ZNF687: variants seen among roughly 807,000 people sequenced by gnomAD.
ZNF687 encodes the protein zinc finger protein 687.
Under a neutral mutation model 71.8 loss-of-function variants are expected in ZNF687, and 13 were observed. That is an observed-to-expected ratio of 0.18 (90% CI 0.12 to 0.29). The LOEUF (loss-of-function observed/expected upper bound fraction) is 0.29. Ranked by LOEUF, ZNF687 falls within the 10% of genes least tolerant of loss-of-function variation. ZNF687 has a pLI of 1.00. For synonymous variants in ZNF687, 673 were observed against 641.6 expected, an observed-to-expected ratio of 1.05 and a Z score of -0.74; for missense variants, 1,412 against 1,625.6, an observed-to-expected ratio of 0.87 and a Z score of 2.26.
intron 1 of ZNF687, chr1:151,283,036 C>A: frequency 2.3e-6 from 2 of 852,630 alleles, no homozygotes; most frequent in Non-Finnish European, 2.8e-6. Flanking sequence ...AGTCCTGGGT[C>A]CCCAGGTGCT....
Position 151,287,161 on chromosome 1 carries a change from TGAG to T in ZNF687, c.872_874del (p.Glu291del). 1 of 1,614,148 alleles carries T rather than the reference TGAG, an allele frequency of 6.2e-7. No individual in the cohort carries two copies. The highest frequency in any genetic ancestry group is 8.5e-7 in the Non-Finnish European group (1 of 1,180,022). On this transcript the variant is annotated inframe_deletion, in exon 2 of 9. Coordinates refer to ENST00000336715, the MANE Select transcript of ZNF687 (RefSeq NM_020832.3). This position sits in a 1 kb window ranked among gnomAD's most constrained non-coding sequence, Gnocchi z 5.0. ...AGCCCTTGAAGGAAGAAGATGATGA[TGAG>T]GGGCCAGTGGACAAGTCTTCCCCAG...
chr1:151,289,630 A>C (rs1235976846), intron 5 of ZNF687, 48 bp from the exon 6 acceptor site: 1 of 1,601,070 alleles, frequency 6.2e-7, no homozygotes, highest in Non-Finnish European at 8.5e-7. Flanking sequence ...GCTTTGGCAT[A>C]GCCAGGCCCT....
rs1334367055 is a variant in ZNF687, at chr1:151,289,863, A to G, written c.2820A>G (p.Pro940=). 8 of 1,567,114 alleles carry G rather than the reference A, an allele frequency of 5.1e-6. No individual in the cohort carries two copies. Among genetic ancestry groups the G allele is most frequent in the Non-Finnish European group, 6.9e-6 (8 of 1,155,190 alleles). Residue 940 remains proline, a synonymous_variant, in exon 6 of 9, where the codon CCA becomes CCG. Transcript: ENST00000336715. ...EVPSSPEPPR[P]AKRPRRELGS... is the part of the protein sequence containing the mutation. Reference sequence around the variant, plus strand: ...CCAGCTCCCCTGAGCCCCCCCGTCCAGCCAAACGGCCTCGGCGGGAACTAG... The same window carrying G: ...CCAGCTCCCCTGAGCCCCCCCGTCCGGCCAAACGGCCTCGGCGGGAACTAG...
rs1373436457 is a variant in ZNF687, at chr1:151,288,206, G to A, written c.1915G>A (p.Ala639Thr). ...GCCTGCCTTGGGCAAGGGTGAGGGG[G>A]CCATCACCTCCTCTGCCATTACTAC... ...ALPALGKGEG[A>T]ITSSAITTVA... The change falls in exon 2 of 9, where the codon GCC (alanine) becomes ACC (threonine). Residue 639 changes from alanine to threonine, a missense_variant. By Grantham distance (58) the Ala-to-Thr change is moderately conservative (BLOSUM62 0). Around this residue, in one of 8 missense-constraint regions of ZNF687, gnomAD observed 207 missense variants for 239.2 expected, o/e 0.87. Coordinates refer to ENST00000336715, the MANE Select transcript of ZNF687 (RefSeq NM_020832.3). The A allele has an allele frequency of 3.7e-6, 6 of 1,613,576 alleles. No homozygotes were observed. The highest frequency in any genetic ancestry group is 3.3e-5 in the Admixed American group (2 of 60,008).
rs1310233986 is a variant in ZNF687 at position 151,286,712 on chromosome 1, C to G, written c.421C>G (p.Pro141Ala). The G allele has an allele frequency of 1.2e-6, 2 of 1,614,198 alleles. No homozygotes were observed. Among genetic ancestry groups the G allele is most frequent in the Non-Finnish European group, 1.7e-6 (2 of 1,180,034 alleles). ...EPSLPGTPHSPAPPSGGTWKE... is the reference protein window; with the variant it reads ...EPSLPGTPHSAAPPSGGTWKE... ...TTCCCTCCCAGGAACTCCCCACTCT[C>G]CTGCTCCTCCCAGTGGGGGCACCTG... Residue 141 changes from proline to alanine, a missense_variant, in exon 2 of 9, where the codon CCT becomes GCT. Pro to Ala is a conservative substitution (Grantham distance 27). Around this residue, in one of 8 missense-constraint regions of ZNF687, gnomAD observed 490 missense variants for 489.9 expected, o/e 1.00. Transcript: ENST00000336715.
rs1316677117 is a variant in ZNF687 at position 151,282,981 on chromosome 1, C to T, written c.-18+586C>T. 5 of 347,424 alleles carry T rather than the reference C, an allele frequency of 1.4e-5. 1 individual carries two copies. Among genetic ancestry groups the T allele is most frequent in the African/African-American group, 8.9e-5 (4 of 45,042 alleles). The allele number at this position is 347,424 out of a possible 1,614,324, so 21.5% of individuals were successfully genotyped here. On this transcript the variant is annotated intron_variant, in intron 1 of 8. Transcript: ENST00000336715. The stretch of plus-strand genomic sequence containing the variant: ...GAGCTGAGAGTCGCGCAGAGACCGT[C>T]CCCTCTCTCCTCCCCTCTTTCCAGC...
chr1:151,286,973 C>G lies in ZNF687; in HGVS notation c.682C>G (p.Pro228Ala), dbSNP rs2101871367. Residue 228 changes from proline to alanine, a missense_variant, in exon 2 of 9, where the codon CCC (proline) becomes GCC (alanine). Around this residue, in one of 8 missense-constraint regions of ZNF687, gnomAD observed 490 missense variants for 489.9 expected, o/e 1.00. Coordinates refer to ENST00000336715, the MANE Select transcript of ZNF687 (RefSeq NM_020832.3). ...LGALKQESCS[P>A]HHPQVLAQQG... ...GGCCTTGAAGCAGGAGAGCTGCAGCCCCCATCATCCCCAGGTCCTAGCCCA... is the reference window on the plus strand; with the variant it reads ...GGCCTTGAAGCAGGAGAGCTGCAGCGCCCATCATCCCCAGGTCCTAGCCCA... 1 of 1,605,054 alleles carries G rather than the reference C, an allele frequency of 6.2e-7. No individual in the cohort carries two copies. Among genetic ancestry groups the G allele is most frequent in the South Asian group, 1.1e-5 (1 of 89,990 alleles).
chr1:151,286,941 C>T lies in ZNF687; in HGVS notation c.650C>T (p.Pro217Leu), dbSNP rs587709695. ...PGMQPPVSSP[P>L]LGALKQESCS... ...ATGCAGCCACCTGTTTCTTCCCCACCATTGGGGGCCTTGAAGCAGGAGAGC... is the reference window on the plus strand; with the variant it reads ...ATGCAGCCACCTGTTTCTTCCCCACTATTGGGGGCCTTGAAGCAGGAGAGC... Residue 217 changes from proline to leucine, a missense_variant, in exon 2 of 9, where the codon CCA becomes CTA. Coordinates refer to ENST00000336715, the MANE Select transcript of ZNF687 (RefSeq NM_020832.3). The T allele has an allele frequency of 6.2e-7, 1 of 1,611,638 alleles. No individual in the cohort carries two copies. The highest frequency in any genetic ancestry group is 1.3e-5 in the African/African-American group (1 of 74,894).
At chr1:151,284,178 TG>T (rs1693850105) in intron 1 of ZNF687, 3 of 985,112 alleles carry the variant, frequency 3.0e-6, no homozygotes, top group South Asian at 9.4e-5. Flanking sequence ...GGGGATGGAA[TG>T]GGGTGAGGAG....
At position 151,286,997 on chromosome 1, in the gene ZNF687, C is replaced by A. The variant is rs986513623; in HGVS notation, c.706C>A (p.Gln236Lys). The A allele has an allele frequency of 6.2e-7, 1 of 1,601,564 alleles. No individual in the cohort carries two copies. The highest frequency in any genetic ancestry group is 1.3e-5 in the African/African-American group (1 of 74,606). The change falls in exon 2 of 9, where the codon CAA becomes AAA. Residue 236 changes from glutamine to lysine, a missense_variant. Physicochemically the swap from Gln to Lys is moderately conservative, Grantham distance 53. Transcript: ENST00000336715. ...CSPHHPQVLA[Q>K]QGSGSSPKAT... Reference sequence around the variant, plus strand: ...CCCCCATCATCCCCAGGTCCTAGCCCAACAAGGCTCAGGCTCCAGCCCTAA... The same window carrying A: ...CCCCCATCATCCCCAGGTCCTAGCCAAACAAGGCTCAGGCTCCAGCCCTAA...
chr1:151,284,005 G>A lies in ZNF687; in HGVS notation c.-18+1610G>A, dbSNP rs1016052109. On this transcript the variant is annotated intron_variant, in intron 1 of 8. Transcript: ENST00000336715. The stretch of plus-strand genomic sequence containing the variant: ...GAGACACTGGTAGGGGACAGACCTG[G>A]GTCTCCCACAAACTCTGAGCTGGCC... 9 of 985,322 alleles carry A rather than the reference G, an allele frequency of 9.1e-6. No homozygotes were observed. The African/African-American group carries it at 1.6e-4, about 17-fold the overall frequency. 61.0% of individuals were successfully genotyped at this position (985,322 alleles called of 1,614,324 possible).
At position 151,291,363 on chromosome 1, in the gene ZNF687, C is replaced by A; in HGVS notation, c.*154C>A. 8.9e-7 allele frequency: 1 copy of A among 1,126,372 alleles called. No homozygotes were observed. Among genetic ancestry groups the A allele is most frequent in the Non-Finnish European group, 1.2e-6 (1 of 820,100 alleles). The allele number at this position is 1,126,372 out of a possible 1,614,324, so 69.8% of individuals were successfully genotyped here. A position where few individuals can be genotyped will look rare whatever the true frequency, so the allele number is the denominator to read the frequency against. ...AGAAGAAGAGCATTTGAGGATTATT[C>A]TAGTTATTTGCAACCTCCCTTTGGG... On this transcript the variant is annotated 3_prime_UTR_variant, in exon 9 of 9. Transcript: ENST00000336715.
In ZNF687 at chr1:151,287,843, C is replaced by G; in HGVS notation, c.1552C>G (p.Leu518Val). The G allele has an allele frequency of 1.2e-6, 2 of 1,614,046 alleles. No homozygotes were observed. The highest frequency in any genetic ancestry group is 1.7e-6 in the Non-Finnish European group (2 of 1,180,026). Residue 518 changes from leucine to valine, a missense_variant, in exon 2 of 9, where the codon CTG (leucine) becomes GTG (valine). Transcript: ENST00000336715. This position sits in a 1 kb window ranked among gnomAD's most constrained non-coding sequence, Gnocchi z 5.0. ...CCTGCTCCCTGCCTATAGGCCAAAC[C>G]TGAGCCCACCAGCTGAGGCTGGGCT... ...KNLLPAYRPN[L>V]SPPAEAGLAL...
In ZNF687 at chr1:151,289,905, G is replaced by A. The variant is rs1427966001; in HGVS notation, c.2862G>A (p.Lys954=). 5 of 1,557,148 alleles carry A rather than the reference G, an allele frequency of 3.2e-6. No homozygotes were observed. In the African/African-American group the frequency reaches 5.5e-5, roughly 17 times the overall value. The part of the protein sequence containing the change: ...PRRELGSKGL[K]GGGGGPGGWT... ...GGGAACTAGGGAGCAAAGGCCTCAA[G>A]GGTGGGGGTGGGGGGCCTGGAGGCT... The change falls in exon 6 of 9, where the codon AAG becomes AAA. Residue 954 remains lysine (K), a synonymous_variant. Coordinates refer to ENST00000336715, the MANE Select transcript of ZNF687 (RefSeq NM_020832.3).
At chr1:151,283,983 A>T in intron 1 of ZNF687, 1 of 985,420 alleles carries the variant, frequency 1.0e-6, no homozygotes, top group Non-Finnish European at 1.2e-6. Flanking sequence ...TCATGGGGAG[A>T]CACTGGTAGG....
At position 151,282,336 on chromosome 1, in the gene ZNF687, T is replaced by C. The variant is rs1165748248; in HGVS notation, c.-77T>C. ...CGGCCGCGGGGAGGGCGGCGGTGGC[T>C]GCAGCGGCTGGAGCGGGGTAGAGAC... On this transcript the variant is annotated 5_prime_UTR_variant, in exon 1 of 9. Coordinates refer to ENST00000336715, the MANE Select transcript of ZNF687 (RefSeq NM_020832.3). 2 of 1,000,078 alleles carry C rather than the reference T, an allele frequency of 2.0e-6. No homozygotes were observed. Among genetic ancestry groups the C allele is most frequent in the African/African-American group, 3.5e-5 (2 of 57,770 alleles). 62.0% of individuals were successfully genotyped at this position (1,000,078 alleles called of 1,614,324 possible). A position where few individuals can be genotyped will look rare whatever the true frequency, so the allele number is the denominator to read the frequency against.
intron 3 of ZNF687, 105 bp downstream of exon 3, chr1:151,288,811 C>T: frequency 4.4e-6 from 6 of 1,356,484 alleles, no homozygotes; most frequent in Non-Finnish European, 6.1e-6. Flanking sequence ...TATCCCTCAG[C>T]CCTGTTGTTT....
rs587747511 is a variant in ZNF687, at chr1:151,291,640, ACCCCCG to A, written c.*447_*452del. ...TAGGCCGGGCCCTGCCCTAGTGCCC[ACCCCCG>A]CCCCCGCCCCCGCCCAACCCCAACT... On this transcript the variant is annotated 3_prime_UTR_variant, in exon 9 of 9. Transcript: ENST00000336715. 3,284 of 149,496 alleles carry A rather than the reference ACCCCCG, an allele frequency of 0.022. 53 individuals carry two copies. Among genetic ancestry groups the A allele is most frequent in the Non-Finnish European group, 0.03 (2,071 of 67,940 alleles). 9.3% of individuals were successfully genotyped at this position (149,496 alleles called of 1,614,324 possible). A position where few individuals can be genotyped will look rare whatever the true frequency, so the allele number is the denominator to read the frequency against.
At chr1:151,282,628 C>A (rs1396620578) in intron 1 of ZNF687, among the ~76,000 whole-genome samples, 1 of 152,156 alleles carries the variant, frequency 6.6e-6, no homozygotes, top group African/African-American at 2.4e-5. Flanking sequence ...GGGTCGAGAA[C>A]CCCAGGTCCT....
Sources: gnomAD v4.1 joint callset for allele counts (sites outside exome capture counted in the v4.1 genomes callset) on GRCh38, gnomAD v4.1.1 for gene constraint, gnomAD v4.1.1 regional missense constraint, Gnocchi (gnomAD v3.1) non-coding constraint, MANE v1.5 for transcripts, NCBI Gene and HGNC (gene_info 2026-07-23, HGNC 2026-07-21) for gene names.